The following LRMDA variants were observed in gnomAD, a reference collection of about 807,000 sequenced individuals.
LRMDA encodes the protein leucine rich melanocyte differentiation associated, also known as leucine-rich melanocyte differentiation-associated protein.
Under a neutral mutation model 29.8 loss-of-function variants are expected in LRMDA, and 18 were observed. The ratio of observed to expected loss-of-function variants is 0.60; its 90% CI spans 0.42 to 0.90. LRMDA has a LOEUF of 0.90. Among genes scored for constraint, LRMDA ranks in the 40% least tolerant of loss-of-function variants. The pLI is 0.00. For synonymous variants in LRMDA, 125 were observed against 109.4 expected, an observed-to-expected ratio of 1.14 and a Z score of -0.89; for missense variants, 273 against 273.9, an observed-to-expected ratio of 1.00 and a Z score of 0.02.
At chr10:76,335,692 T>C (rs1486557773) in intron 6 of LRMDA, among the ~76,000 whole-genome samples, 2 of 152,114 alleles carry the variant, frequency 1.3e-5, no homozygotes, top group Admixed American at 6.5e-5. Context: ...TATAGGTAGA[T>C]TTAAAATTTT....
rs189639190 is a variant in LRMDA at position 75,939,472 on chromosome 10, G to A, written c.132-96536G>A. 5.3e-5 allele frequency among the ~76,000 whole-genome samples: 8 copies of A among 152,248 alleles called. No homozygotes were observed. In the East Asian group the frequency reaches 1.5e-3, roughly 29 times the overall value. On this transcript the variant is annotated intron_variant, in intron 2 of 6. Coordinates refer to ENST00000611255, the MANE Select transcript of LRMDA (RefSeq NM_001305581.2). ...CATATCTGCTCTGTGATTTTGGGGG[G>A]CTGGCTTCCTGTTCATTTTTAATGT...
At chr10:75,526,153 C>T (rs1054337019) in intron 2 of LRMDA, among the ~76,000 whole-genome samples, 2 of 152,006 alleles carry the variant, frequency 1.3e-5, no homozygotes, top group Non-Finnish European at 2.9e-5. Context: ...GCAGCCTCAA[C>T]CTCCTGGGCT....
rs188076602 is a variant in LRMDA at position 75,594,615 on chromosome 10, C to T, written c.131+156121C>T. 2.0e-5 allele frequency among the ~76,000 whole-genome samples: 3 copies of T among 152,340 alleles called. No individual in the cohort carries two copies. The East Asian group carries it at 5.8e-4, about 29-fold the overall frequency. On this transcript the variant is annotated intron_variant, in intron 2 of 6. Coordinates refer to ENST00000611255, the MANE Select transcript of LRMDA (RefSeq NM_001305581.2). The stretch of plus-strand genomic sequence containing the variant: ...GGCCAGTGTAGCTGTAACCAACCAG[C>T]ACTGTACTTAATATGCCTTTGTCAG...
At position 75,929,908 on chromosome 10, in the gene LRMDA, G is replaced by A. The variant is rs77869331; in HGVS notation, c.132-106100G>A. Among the ~76,000 whole-genome samples the A allele has an allele frequency of 1.6e-3, 248 of 152,300 alleles. 1 individual carries two copies. Among genetic ancestry groups the A allele is most frequent in the African/African-American group, 5.8e-3 (240 of 41,562 alleles). On this transcript the variant is annotated intron_variant, in intron 2 of 6. Coordinates refer to ENST00000611255, the MANE Select transcript of LRMDA (RefSeq NM_001305581.2). Reference sequence around the variant, plus strand: ...GAGTTGGGAGCCTATTGAAAAATGAGGCTGATCAGTCACAAGTCCTATTAT... The same window carrying A: ...GAGTTGGGAGCCTATTGAAAAATGAAGCTGATCAGTCACAAGTCCTATTAT...
intron 2 of LRMDA, among the ~76,000 whole-genome samples, chr10:75,666,181 T>G (rs890576482): frequency 2.0e-5 from 3 of 152,186 alleles, no homozygotes; most frequent in Non-Finnish European, 4.4e-5. Context: ...TGTATAGTTA[T>G]ACAGTATATA....
At chr10:75,870,466 A>G (rs1845091187) in intron 2 of LRMDA, among the ~76,000 whole-genome samples, 1 of 152,212 alleles carries the variant, frequency 6.6e-6, no homozygotes, top group South Asian at 2.1e-4. Flanking sequence ...ACCCCATTGC[A>G]AAAGACTGAC....
intron 2 of LRMDA, among the ~76,000 whole-genome samples, chr10:75,460,017 G>T (rs145086545): frequency 1.3e-5 from 2 of 152,200 alleles, no homozygotes; most frequent in African/African-American, 2.4e-5. Context: ...ATAGCACTGG[G>T]TTTGGTATTA....
intron 5 of LRMDA, among the ~76,000 whole-genome samples, chr10:76,276,303 C>T (rs1334880881): frequency 6.7e-6 from 1 of 149,750 alleles, no homozygotes; most frequent in Non-Finnish European, 1.5e-5. Flanking sequence ...CTATGTCCAG[C>T]TAATTTTTTT....
chr10:75,486,430 A>T (rs920048544), intron 2 of LRMDA, among the ~76,000 whole-genome samples: 14 of 152,154 alleles, frequency 9.2e-5, no homozygotes, highest in Non-Finnish European at 1.2e-4. Flanking sequence ...TTATTATGCT[A>T]AGAACTCCAG....
At chr10:76,336,440 T>G (rs10824401) in intron 6 of LRMDA, among the ~76,000 whole-genome samples, 16,141 of 152,106 alleles carry the variant, frequency 0.11, 1,018 homozygotes, top group East Asian at 0.33. Context: ...AGCATGAAAA[T>G]AAAAGAGTAC....
chr10:75,723,012 A>G (rs574880149), intron 2 of LRMDA, among the ~76,000 whole-genome samples: 64 of 152,372 alleles, frequency 4.2e-4, no homozygotes, highest in Non-Finnish European at 8.5e-4. Context: ...CCCTTTGGTC[A>G]GTGTCAATTT....
intron 2 of LRMDA, among the ~76,000 whole-genome samples, chr10:75,618,757 GGAAGA>G (rs1399708957): frequency 7.0e-6 from 1 of 142,286 alleles, no homozygotes; most frequent in East Asian, 2.1e-4. Flanking sequence ...GAAATCATAA[GGAAGA>G]GAAAATTATT....
chr10:76,214,318 C>T (rs1175367201), intron 5 of LRMDA, among the ~76,000 whole-genome samples: 1 of 149,398 alleles, frequency 6.7e-6, no homozygotes, highest in African/African-American at 2.5e-5. Flanking sequence ...TGTAAGATGT[C>T]ACTTGAACCA....
At chr10:76,130,870 C>T (rs1849978982) in intron 5 of LRMDA, among the ~76,000 whole-genome samples, 1 of 152,036 alleles carries the variant, frequency 6.6e-6, no homozygotes, top group Non-Finnish European at 1.5e-5. Context: ...ACCATGTTGG[C>T]CAGGCTTGTC....
At chr10:75,528,340 G>A (rs1346744371) in intron 2 of LRMDA, among the ~76,000 whole-genome samples, 1 of 152,200 alleles carries the variant, frequency 6.6e-6, no homozygotes, top group Non-Finnish European at 1.5e-5. Flanking sequence ...TAAGCCAGAG[G>A]ATGTCTGGAC....
chr10:76,430,228 G>A (rs1842177133), intron 6 of LRMDA, among the ~76,000 whole-genome samples: 2 of 152,068 alleles, frequency 1.3e-5, no homozygotes, highest in Admixed American at 1.3e-4. Context: ...AGATACTGAG[G>A]CTCCAGGATT....
At chr10:76,089,941 C>T (rs760503551) in intron 5 of LRMDA, among the ~76,000 whole-genome samples, 27 of 152,168 alleles carry the variant, frequency 1.8e-4, no homozygotes, top group African/African-American at 3.9e-4. Context: ...CCAACGCCCA[C>T]GGGTTGGTTA....
rs550882529 is a variant in LRMDA at position 75,559,580 on chromosome 10, T to C, written c.131+121086T>C. ...TTTTGGCTTTTGTTGCCATTGCTTTTGGTGTTTTAGACATGAAGTCCTTGC... is the reference window on the plus strand; with the variant it reads ...TTTTGGCTTTTGTTGCCATTGCTTTCGGTGTTTTAGACATGAAGTCCTTGC... On this transcript the variant is annotated intron_variant, in intron 2 of 6. Coordinates refer to ENST00000611255, the MANE Select transcript of LRMDA (RefSeq NM_001305581.2). Among the ~76,000 whole-genome samples, 1,478 of 148,392 alleles carry C rather than the reference T, an allele frequency of 1.0e-2. 29 individuals are homozygous for C. The highest frequency in any genetic ancestry group is 0.034 in the African/African-American group (1,387 of 40,374).
At chr10:75,799,311 CCTCTGATCATAGT>C (rs1393261940) in intron 2 of LRMDA, among the ~76,000 whole-genome samples, 1 of 152,132 alleles carries the variant, frequency 6.6e-6, no homozygotes, top group African/African-American at 2.4e-5. Context: ...CATGTTTAAA[CCTCTGATCATAGT>C]CTCTGCCTCG....
Sources: allele counts gnomAD v4.1 joint callset (sites outside exome capture counted in the v4.1 genomes callset), GRCh38; gene constraint gnomAD v4.1.1; transcripts MANE v1.5; gene names NCBI Gene and HGNC (gene_info 2026-07-23, HGNC 2026-07-21).